The following RALGDS variants were observed in gnomAD, a reference collection of about 807,000 sequenced individuals.
RALGDS encodes ral guanine nucleotide exchange factor.
A neutral mutation model predicts 99.8 loss-of-function variants in RALGDS; 44 were observed. That is an observed-to-expected ratio of 0.44 (90% CI 0.35 to 0.57). The LOEUF (loss-of-function observed/expected upper bound fraction) is 0.57. RALGDS is among the 20% of genes least tolerant of loss of function. The pLI is 0.01. For synonymous variants in RALGDS, 529 were observed against 505.0 expected, an observed-to-expected ratio of 1.05 and a Z score of -0.64; for missense variants, 1,022 against 1,203.1, an observed-to-expected ratio of 0.85 and a Z score of 2.23.
chr9:133,146,791 G>C (rs1367540801), intron 1 of RALGDS, among the ~76,000 whole-genome samples: 3 of 152,214 alleles, frequency 2.0e-5, no homozygotes, highest in African/African-American at 7.2e-5. Context: ...TGAGCTGCCT[G>C]CCCTACAGAG....
chr9:133,139,969 T>C (rs1334786482), intron 1 of RALGDS, among the ~76,000 whole-genome samples: 1 of 152,134 alleles, frequency 6.6e-6, no homozygotes, highest in Non-Finnish European at 1.5e-5. Context: ...CAGGCTTCTC[T>C]CCCCTTGACC....
chr9:133,100,791 C>A (rs1357994799), intron 16 of RALGDS: 14 of 1,129,756 alleles, frequency 1.2e-5, no homozygotes, highest in Non-Finnish European at 1.5e-5. Flanking sequence ...GTGTGGTCAG[C>A]ATAGGCCAGG....
At chr9:133,126,662 T>C (rs2119236744) in intron 1 of RALGDS, among the ~76,000 whole-genome samples, 1 of 152,086 alleles carries the variant, frequency 6.6e-6, no homozygotes, top group South Asian at 2.1e-4. Context: ...GGGCCACCAA[T>C]TCAACATGTG....
chr9:133,132,317 G>A (rs1004829372), upstream of RALGDS, among the ~76,000 whole-genome samples: 2 of 152,180 alleles, frequency 1.3e-5, no homozygotes, highest in East Asian at 1.9e-4. Context: ...GGCGGCAGGG[G>A]TTGGTATCCG....
chr9:133,100,951 T>C (rs372742238), intron 16 of RALGDS: 3 of 1,045,522 alleles, frequency 2.9e-6, no homozygotes, highest in East Asian at 8.2e-5. Context: ...AGGGCTGGGG[T>C]ACAGAGGGTG....
rs772287647 is a variant in RALGDS, at chr9:133,100,360, G to A, written c.2477C>T (p.Pro826Leu). The change falls in exon 17 of 18, where the codon CCG becomes CTG. Residue 826 changes from proline to leucine, a missense_variant. Transcript: ENST00000372050. ...GTCCATGGCCTTGCGGATTACAGCC[G>A]GAGCCTTATCTTGGCTGGTCACCTG... ...SILVTSQDKA[P>L]AVIRKAMDKH... 8 of 1,614,052 alleles carry A rather than the reference G, an allele frequency of 5.0e-6. No homozygotes were observed. Among genetic ancestry groups the A allele is most frequent in the South Asian group, 1.1e-5 (1 of 91,092 alleles).
intron 1 of RALGDS, among the ~76,000 whole-genome samples, chr9:133,120,427 G>GCCCC (rs1491378609): frequency 2.8e-4 from 8 of 29,010 alleles, no homozygotes; most frequent in Non-Finnish European, 4.7e-4. Context: ...CCCATCCCCC[G>GCCCC]ACCCCCCCCC....
chr9:133,101,300 C>T, intron 16 of RALGDS: 1 of 1,394,278 alleles, frequency 7.2e-7, no homozygotes, highest in Non-Finnish European at 9.7e-7. Context: ...ACCGCCCCTT[C>T]AGCTCCTGGG....
At chr9:133,107,365 G>T in intron 6 of RALGDS, 65 bp from the exon 7 acceptor site, 2 of 1,407,650 alleles carry the variant, frequency 1.4e-6, no homozygotes, top group African/African-American at 1.4e-5. Flanking sequence ...TGGGGAAGCT[G>T]AGGATGCAGC....
rs1355908232 is a variant in RALGDS at position 133,108,860 on chromosome 9, G to A, written c.591C>T (p.Ile197=). The change falls in exon 5 of 18, where the codon ATC becomes ATT. Residue 197 remains isoleucine, a synonymous_variant. Coordinates refer to ENST00000372050, the MANE Select transcript of RALGDS (RefSeq NM_006266.4). ...CCAGCCAGGTGCCCAGGATGGAGGA[G>A]ATGGCACTGGGGACAGGTGGGTGGC... is the stretch of plus-strand genomic sequence containing the variant. ...GGPQDQLKNA[I]SSILGTWLDQ... The A allele has an allele frequency of 6.2e-7, 1 of 1,611,786 alleles. No homozygotes were observed. The highest frequency in any genetic ancestry group is 1.3e-5 in the African/African-American group (1 of 74,890).
At position 133,144,055 on chromosome 9, in the gene RALGDS, T is replaced by C. The variant is rs890374215; in HGVS notation, c.18+4908A>G. On this transcript the variant is annotated intron_variant, in intron 1 of 17. Transcript: ENST00000393160. This position sits in a 1 kb window ranked among gnomAD's most constrained non-coding sequence, Gnocchi z 4.5. ...ATCCCAGCTCCCCTGAGGCAGGGTC[T>C]GGGGCTGGGGTTGGGGGGAAGGACC... Among the ~76,000 whole-genome samples, 10 of 152,072 alleles carry C rather than the reference T, an allele frequency of 6.6e-5. No homozygotes were observed. The highest frequency in any genetic ancestry group is 9.7e-5 in the African/African-American group (4 of 41,414).
At chr9:133,147,606 GGCCGGGGTCCCCCAGAGGGACCCT>G (rs906077708) in intron 1 of RALGDS, among the ~76,000 whole-genome samples, 9 of 152,310 alleles carry the variant, frequency 5.9e-5, no homozygotes, top group African/African-American at 1.9e-4. Flanking sequence ...ATTGGGTAGA[GGCCGGGGTCCCCCAGAGGGACCCT>G]GCCGGGCTCT....
chr9:133,101,914 T>C (rs368822670), intron 15 of RALGDS, 24 bp downstream of exon 15: 61 of 1,550,830 alleles, frequency 3.9e-5, no homozygotes, highest in South Asian at 2.0e-4. Flanking sequence ...GGAAAGGATA[T>C]TGGGGAGAAG....
chr9:133,107,424 G>A (rs1407124718), intron 6 of RALGDS, 124 bp from the exon 7 acceptor site: 4 of 889,300 alleles, frequency 4.5e-6, no homozygotes, highest in Non-Finnish European at 1.8e-6. Flanking sequence ...CATGCAGGGT[G>A]CCCAGCACAC....
chr9:133,100,312 T>G lies in RALGDS; in HGVS notation c.2525A>C (p.Glu842Ala), dbSNP rs1206776662. Residue 842 changes from glutamate to alanine, a missense_variant, in exon 17 of 18, where the codon GAG becomes GCG. Glu to Ala is a moderately radical substitution (Grantham distance 107, BLOSUM62 -1). Coordinates refer to ENST00000372050, the MANE Select transcript of RALGDS (RefSeq NM_006266.4). ...AMDKHNLEEE[E>A]PEDYELLQIL... Reference sequence around the variant, plus strand: ...CTGCAGCAGCTCATAGTCCTCCGGCTCCTCCTCCTCCAGGTTGTGTTTGTC... The same window carrying G: ...CTGCAGCAGCTCATAGTCCTCCGGCGCCTCCTCCTCCAGGTTGTGTTTGTC... The G allele has an allele frequency of 1.2e-6, 2 of 1,613,932 alleles. No individual in the cohort carries two copies. The highest frequency in any genetic ancestry group is 2.7e-5 in the African/African-American group (2 of 74,930).
At position 133,107,351 on chromosome 9, in the gene RALGDS, G is replaced by A. The variant is rs757930191; in HGVS notation, c.1198-51C>T. ...GGTCCTGCCCCAGCAGTCTGGGCTG[G>A]TGCTGGGGAAGCTGAGGATGCAGCT... is the stretch of plus-strand genomic sequence containing the variant. On this transcript the variant is annotated intron_variant, in intron 6 of 17. Coordinates refer to ENST00000372050, the MANE Select transcript of RALGDS (RefSeq NM_006266.4). 5.3e-6 allele frequency: 8 copies of A among 1,500,724 alleles called. No individual in the cohort carries two copies. In the South Asian group the frequency reaches 9.3e-5, roughly 17 times the overall value. 93.0% of individuals were successfully genotyped at this position (1,500,724 alleles called of 1,614,324 possible).
At chr9:133,149,073 C>T (rs1260875362) in exon 1 of RALGDS, 1 of 1,020,658 alleles carries the variant, frequency 9.8e-7, no homozygotes, top group Non-Finnish European at 1.2e-6. Context: ...CAGGGGTGCG[C>T]CCGGCTGCGG....
intron 1 of RALGDS, among the ~76,000 whole-genome samples, chr9:133,130,447 G>A (rs1211772882): frequency 1.3e-5 from 2 of 152,128 alleles, no homozygotes; most frequent in South Asian, 4.1e-4. Flanking sequence ...GCAGGGGTGG[G>A]GGATGCCAAT....
intron 1 of RALGDS, among the ~76,000 whole-genome samples, chr9:133,120,428 A>ACCCCCCCCCCCCCCCCCCCCCCC (rs71378548): frequency 5.0e-5 from 3 of 59,994 alleles, no homozygotes; most frequent in Admixed American, 1.7e-4. Flanking sequence ...CCATCCCCCG[A>ACCCCCCCCCCCCCCCCCCCCCCC]CCCCCCCCCC....
Sources: allele counts gnomAD v4.1 joint callset (sites outside exome capture counted in the v4.1 genomes callset), GRCh38; gene constraint gnomAD v4.1.1; non-coding constraint Gnocchi (gnomAD v3.1); transcripts MANE v1.5; gene names NCBI Gene and HGNC (gene_info 2026-07-23, HGNC 2026-07-21).